ASXL1: variants seen among roughly 807,000 people sequenced by gnomAD.
ASXL1 encodes the protein ASXL transcriptional regulator 1.
A neutral mutation model predicts 89.1 loss-of-function variants in ASXL1; 65 were observed. The observed-to-expected ratio is 0.73, with a 90% CI of 0.60 to 0.90. The LOEUF is 0.90. Among genes scored for constraint, ASXL1 ranks in the 40% least tolerant of loss-of-function variants. The pLI is 0.00. For synonymous variants in ASXL1, 739 were observed against 746.9 expected, an observed-to-expected ratio of 0.99 and a Z score of 0.17; for missense variants, 1,786 against 1,942.9, an observed-to-expected ratio of 0.92 and a Z score of 1.52.
intron 4 of ASXL1, among the ~76,000 whole-genome samples, chr20:32,418,439 A>G (rs2049175971): frequency 6.6e-6 from 1 of 152,208 alleles, no homozygotes. Flanking sequence ...TTGTTTACCT[A>G]CTTTAATTGG....
intron 4 of ASXL1, among the ~76,000 whole-genome samples, chr20:32,419,683 CT>C (rs1284686802): frequency 0.014 from 1,901 of 135,500 alleles, 33 homozygotes; most frequent in African/African-American, 0.047. Flanking sequence ...GATATATTTT[CT>C]TTTTTTTTTT....
intron 4 of ASXL1, among the ~76,000 whole-genome samples, chr20:32,411,038 A>C (rs1316353035): frequency 1.3e-5 from 1 of 74,776 alleles, no homozygotes; most frequent in Non-Finnish European, 2.9e-5. Context: ...TCTCAAAAAA[A>C]AAAAAAAATA....
chr20:32,374,014 GTATT>G lies in ASXL1; in HGVS notation c.252+4901_252+4904del, dbSNP rs1309372810. ...CTTATATATGTGTATATATATGTGT[GTATT>G]TATTTATTTTTTGAGACAGAGTCTC... On this transcript the variant is annotated intron_variant, in intron 4 of 12. Coordinates refer to ENST00000375687, the MANE Select transcript of ASXL1 (RefSeq NM_015338.6). 2.2e-4 allele frequency among the ~76,000 whole-genome samples: 34 copies of G among 152,196 alleles called. No homozygotes were observed. In the East Asian group the frequency reaches 4.2e-3, roughly 19 times the overall value.
In ASXL1 at chr20:32,437,512, C is replaced by A; in HGVS notation, c.*174C>A. ...TCTGTCACTTGGCGACCCTTCTGGT[C>A]TTGCTGGAGGGGTTTCCTGGGTATA... On this transcript the variant is annotated 3_prime_UTR_variant, in exon 13 of 13. Transcript: ENST00000375687. 1 of 1,052,418 alleles carries A rather than the reference C, an allele frequency of 9.5e-7. No individual in the cohort carries two copies. Among genetic ancestry groups the A allele is most frequent in the Non-Finnish European group, 1.4e-6 (1 of 726,680 alleles). The allele number at this position is 1,052,418 out of a possible 1,614,324, so 65.2% of individuals were successfully genotyped here. A position where few individuals can be genotyped will look rare whatever the true frequency, so the allele number is the denominator to read the frequency against.
At chr20:32,427,785 T>C (rs1285728235) in intron 4 of ASXL1, 1 of 366,370 alleles carries the variant, frequency 2.7e-6, no homozygotes, top group Non-Finnish European at 5.3e-6. Context: ...GTACTTTGTA[T>C]TGTAATCAGT....
At chr20:32,383,484 T>C (rs2048524894) in intron 4 of ASXL1, among the ~76,000 whole-genome samples, 1 of 152,118 alleles carries the variant, frequency 6.6e-6, no homozygotes, top group Non-Finnish European at 1.5e-5. Context: ...TTTTTTTGTA[T>C]TTTTAATAGA....
intron 12 of ASXL1, 197 bp from the exon 13 acceptor site, chr20:32,434,235 A>G (rs904097113): frequency 9.3e-6 from 7 of 749,916 alleles, no homozygotes; most frequent in South Asian, 7.1e-5. Flanking sequence ...AGTGTGGCAT[A>G]TAACAGCCCT....
chr20:32,423,798 C>T (rs2011202262), intron 4 of ASXL1, among the ~76,000 whole-genome samples: 1 of 152,172 alleles, frequency 6.6e-6, no homozygotes, highest in Non-Finnish European at 1.5e-5. Flanking sequence ...ATCTGCCTGG[C>T]TTGGCCTCCC....
At chr20:32,417,566 G>A (rs1215214975) in intron 4 of ASXL1, among the ~76,000 whole-genome samples, 2 of 152,150 alleles carry the variant, frequency 1.3e-5, no homozygotes, top group South Asian at 2.1e-4. Context: ...TCTCAAGCAT[G>A]TATGGAGATT....
At chr20:32,373,094 G>A (rs949605004) in intron 4 of ASXL1, among the ~76,000 whole-genome samples, 14 of 150,102 alleles carry the variant, frequency 9.3e-5, no homozygotes, top group African/African-American at 3.4e-4. Flanking sequence ...TAATTTTGAT[G>A]GGCTGGGCGC....
chr20:32,434,029 A>C, intron 12 of ASXL1, 112 bp downstream of exon 12: 1 of 1,455,686 alleles, frequency 6.9e-7, no homozygotes, highest in Non-Finnish European at 9.5e-7. Flanking sequence ...GGGAATGTAG[A>C]GCTTTTTATG....
At chr20:32,408,835 AT>A (rs1249496964) in intron 4 of ASXL1, among the ~76,000 whole-genome samples, 1 of 151,562 alleles carries the variant, frequency 6.6e-6, no homozygotes, top group Non-Finnish European at 1.5e-5. Flanking sequence ...TCTCAACAGC[AT>A]TTTTTTTCAA....
At chr20:32,395,907 TC>T (rs1256343242) in intron 4 of ASXL1, among the ~76,000 whole-genome samples, 1 of 152,146 alleles carries the variant, frequency 6.6e-6, no homozygotes, top group Non-Finnish European at 1.5e-5. Flanking sequence ...CAAGCGATTA[TC>T]CTGCCTCAGC....
intron 4 of ASXL1, among the ~76,000 whole-genome samples, chr20:32,407,470 T>C (rs894692584): frequency 1.3e-5 from 2 of 152,148 alleles, no homozygotes; most frequent in Non-Finnish European, 2.9e-5. Context: ...TTTATTTCTT[T>C]TCTTTTTTTT....
At chr20:32,414,139 G>A (rs1288576400) in intron 4 of ASXL1, among the ~76,000 whole-genome samples, 1 of 152,160 alleles carries the variant, frequency 6.6e-6, no homozygotes, top group African/African-American at 2.4e-5. Context: ...TGATAATGCT[G>A]TGGAATGGGT....
At chr20:32,377,783 G>A (rs902048314) in intron 4 of ASXL1, among the ~76,000 whole-genome samples, 3 of 151,602 alleles carry the variant, frequency 2.0e-5, no homozygotes, top group South Asian at 4.3e-4. Context: ...CTCCTGCGTA[G>A]CTGGGATTAC....
chr20:32,420,887 C>T (rs1403766562), intron 4 of ASXL1, among the ~76,000 whole-genome samples: 1 of 151,946 alleles, frequency 6.6e-6, no homozygotes, highest in African/African-American at 2.4e-5. Flanking sequence ...GCTCATGCAG[C>T]CATAAAAAAG....
chr20:32,371,111 C>G (rs1400182439), intron 4 of ASXL1, among the ~76,000 whole-genome samples: 1 of 151,964 alleles, frequency 6.6e-6, no homozygotes, highest in Non-Finnish European at 1.5e-5. Flanking sequence ...GCCTGGGCCA[C>G]ATAGCAAGAC....
Position 32,431,391 on chromosome 20 carries a change from C to T in ASXL1, c.789C>T (p.Asn263=), listed in dbSNP as rs756868202. 2.5e-6 allele frequency: 4 copies of T among 1,614,204 alleles called. No homozygotes were observed. In the South Asian group the frequency reaches 3.3e-5, roughly 13 times the overall value. The change falls in exon 9 of 13, where the codon AAC becomes AAT. Residue 263 remains asparagine (N), a synonymous_variant. Coordinates refer to ENST00000375687, the MANE Select transcript of ASXL1 (RefSeq NM_015338.6). ...CTGGGTCCATTCTTGTCAACACCAA[C>T]CTCCGTGCCCTGATCAACTCTCGGA... The part of the protein sequence containing the change: ...ETPGSILVNT[N]LRALINSRTF...
Sources: allele counts gnomAD v4.1 joint callset (sites outside exome capture counted in the v4.1 genomes callset), GRCh38; gene constraint gnomAD v4.1.1; transcripts MANE v1.5; gene names NCBI Gene and HGNC (gene_info 2026-07-23, HGNC 2026-07-21).